Variants in CLHC1 observed in about 807,000 individuals in gnomAD.
The protein encoded by CLHC1 is clathrin heavy chain linker domain-containing protein 1.
A neutral mutation model predicts 69.5 loss-of-function variants in CLHC1; 72 were observed. The observed-to-expected ratio is 1.04, with a 90% CI of 0.86 to 1.26. The LOEUF (loss-of-function observed/expected upper bound fraction) is 1.26. Ranked by LOEUF, CLHC1 falls within the 50% of genes most tolerant of loss-of-function variation. The probability of loss-of-function intolerance (pLI) is 0.00; values close to 1 mark genes in which losing one functional copy is unlikely to be tolerated. For synonymous variants in CLHC1, 223 were observed against 224.3 expected (o/e 0.99, Z 0.05); for missense variants, 790 against 679.3 (o/e 1.16, Z -1.81).
chr2:55,227,697 AAG>A (rs1235210084), intron 2 of CLHC1, among the ~76,000 whole-genome samples: 1 of 151,770 alleles, frequency 6.6e-6, no homozygotes, highest in Admixed American at 6.6e-5. Context: ...AAAAAAGTAA[AAG>A]ATAAAAGTCA....
chr2:55,180,160 A>AAT (rs1553342145), intron 11 of CLHC1, among the ~76,000 whole-genome samples: 20 of 151,618 alleles, frequency 1.3e-4, no homozygotes, highest in East Asian at 7.8e-4. Flanking sequence ...CTCAAAAAAA[A>AAT]ATATATATAT....
chr2:55,210,197 T>C (rs1347148247), intron 5 of CLHC1, among the ~76,000 whole-genome samples: 1 of 151,452 alleles, frequency 6.6e-6, no homozygotes, highest in Non-Finnish European at 1.5e-5. Flanking sequence ...TTATTTTATT[T>C]TTATTTTTAT....
At position 55,222,389 on chromosome 2, in the gene CLHC1, T is replaced by C; in HGVS notation, c.23A>G (p.Lys8Arg). The C allele has an allele frequency of 6.2e-7, 1 of 1,613,704 alleles. No homozygotes were observed. The highest frequency in any genetic ancestry group is 8.5e-7 in the Non-Finnish European group (1 of 1,179,904). Residue 8 changes from lysine to arginine, a missense_variant, in exon 3 of 13, where the codon AAA becomes AGA. By Grantham distance (26) the Lys-to-Arg change is conservative. Transcript: ENST00000401408. MSVHQIR[K>R]HAVLPPIICR... is the part of the protein sequence containing the mutation. Reference sequence around the variant, plus strand: ...AATGATAGGTGGGAGAACTGCATGTTTTCTTATTTGATGAACTGACATATT... The same window carrying C: ...AATGATAGGTGGGAGAACTGCATGTCTTCTTATTTGATGAACTGACATATT...
chr2:55,194,179 G>C (rs1407668554), intron 9 of CLHC1, among the ~76,000 whole-genome samples: 1 of 152,100 alleles, frequency 6.6e-6, no homozygotes, highest in Non-Finnish European at 1.5e-5. Flanking sequence ...TGATGAAAAT[G>C]TTCTAAAATT....
chr2:55,209,636 T>C lies in CLHC1; in HGVS notation c.695A>G (p.Gln232Arg), dbSNP rs757984869. 5.0e-6 allele frequency: 8 copies of C among 1,613,756 alleles called. No homozygotes were observed. Among genetic ancestry groups the C allele is most frequent in the South Asian group, 1.1e-5 (1 of 91,026 alleles). ...ATATAATCAACTTCCATACCAAAACTGCAATTTTTTGTTCAGATTTTCAGC... is the reference window on the plus strand; with the variant it reads ...ATATAATCAACTTCCATACCAAAACCGCAATTTTTTGTTCAGATTTTCAGC... ...DVAENLNKKL[Q>R]FCHQRLQIIS... The change falls in exon 6 of 13, where the codon CAG (glutamine) becomes CGG (arginine). Residue 232 changes from glutamine to arginine, a missense_variant. Physicochemically the swap from Gln to Arg is conservative, Grantham distance 43. Coordinates refer to ENST00000401408, the MANE Select transcript of CLHC1 (RefSeq NM_152385.4).
intron 11 of CLHC1, 60 bp from the exon 12 acceptor site, chr2:55,177,841 C>T: frequency 8.1e-7 from 1 of 1,237,098 alleles, no homozygotes; most frequent in Non-Finnish European, 1.1e-6. Context: ...CAACTAGAAA[C>T]TAGGACTAGC....
chr2:55,226,887 C>A (rs1674760011), intron 2 of CLHC1, among the ~76,000 whole-genome samples: 1 of 152,212 alleles, frequency 6.6e-6, no homozygotes, highest in Non-Finnish European at 1.5e-5. Flanking sequence ...CCTGCTTTGG[C>A]CTCCCAAAGT....
At chr2:55,197,140 A>C (rs1255328273) in intron 9 of CLHC1, among the ~76,000 whole-genome samples, 1 of 152,158 alleles carries the variant, frequency 6.6e-6, no homozygotes, top group East Asian at 1.9e-4. Context: ...AAAAATAGGA[A>C]GGACTTTGTC....
intron 9 of CLHC1, among the ~76,000 whole-genome samples, chr2:55,203,780 A>C (rs1672184294): frequency 6.6e-6 from 1 of 152,188 alleles, no homozygotes; most frequent in Non-Finnish European, 1.5e-5. Context: ...CCCCATAAGC[A>C]CAGGCAATTG....
rs1673136675 is a variant in CLHC1 at position 55,212,772 on chromosome 2, G to C, written c.400C>G (p.Gln134Glu). ...TGCTTGATGTGATCTATTTGAGATT[G>C]AATCTTCGAGGAATTACTTTCGATA... ...RIIESNSSKI[Q>E]SQIDHIKQCR... Residue 134 changes from glutamine (Q) to glutamate (E), a missense_variant, in exon 5 of 13, where the codon CAA becomes GAA. Gln to Glu is a conservative substitution (Grantham distance 29). Transcript: ENST00000401408. 9 of 1,602,204 alleles carry C rather than the reference G, an allele frequency of 5.6e-6. No individual in the cohort carries two copies. The highest frequency in any genetic ancestry group is 7.7e-6 in the Non-Finnish European group (9 of 1,169,336).
intron 2 of CLHC1, among the ~76,000 whole-genome samples, chr2:55,226,752 C>T (rs968554396): frequency 1.3e-5 from 2 of 152,240 alleles, no homozygotes; most frequent in Non-Finnish European, 2.9e-5. Context: ...CTGCCTTAGC[C>T]TCCCGAGTAG....
Position 55,192,238 on chromosome 2 carries a change from G to A in CLHC1, c.1007-10494C>T, listed in dbSNP as rs371151620. On this transcript the variant is annotated intron_variant, in intron 9 of 12. Coordinates refer to ENST00000401408, the MANE Select transcript of CLHC1 (RefSeq NM_152385.4). ...GGGTTCAAGCGATTCTCCTGCTTCA[G>A]CCTCCCGAATACCTGGGATTACAGG... Among the ~76,000 whole-genome samples, 165 of 152,074 alleles carry A rather than the reference G, an allele frequency of 1.1e-3. 2 individuals carry two copies. The Middle Eastern group carries it at 0.017, about 16-fold the overall frequency.
At chr2:55,216,080 G>C (rs1673465259) in intron 4 of CLHC1, 1 of 141,366 alleles carries the variant, frequency 7.1e-6, no homozygotes, top group African/African-American at 2.7e-5. Context: ...TTCGAGACCA[G>C]CCTGGCCAAC....
rs1446606478 is a variant in CLHC1 at position 55,172,946 on chromosome 2, A to G, written c.*2844T>C. The stretch of plus-strand genomic sequence containing the variant: ...AAACCTTTCCAAATGAATGAATTTA[A>G]TAGAAATTCATTTTGATACATGCTT... On this transcript the variant is annotated 3_prime_UTR_variant, in exon 13 of 13. Transcript: ENST00000401408. Among the ~76,000 whole-genome samples, 2 of 152,206 alleles carry G rather than the reference A, an allele frequency of 1.3e-5. No homozygotes were observed. Among genetic ancestry groups the G allele is most frequent in the East Asian group, 3.8e-4 (2 of 5,208 alleles).
intron 9 of CLHC1, among the ~76,000 whole-genome samples, chr2:55,189,084 A>G (rs1670682642): frequency 6.6e-6 from 1 of 152,244 alleles, no homozygotes. Context: ...TTATATGTAG[A>G]GTAGTAAATT....
chr2:55,199,036 C>A (rs1406683619), intron 9 of CLHC1, among the ~76,000 whole-genome samples: 1 of 151,954 alleles, frequency 6.6e-6, no homozygotes, highest in Non-Finnish European at 1.5e-5. Context: ...GTGGCTCATG[C>A]CTATAATCCC....
chr2:55,209,463 T>A lies in CLHC1; in HGVS notation c.755A>T (p.Asp252Val). The A allele has an allele frequency of 2.5e-6, 4 of 1,612,760 alleles. No individual in the cohort carries two copies. The South Asian group carries it at 3.3e-5, about 13-fold the overall frequency. ...AAAGTCTTGAAATGGGCTGCTCATA[T>A]CAGATTTTACCCATGAACTAAGTGC... Reference protein sequence around the residue: ...SQALSSWVKSDMSSPFQDFVE... With the variant: ...SQALSSWVKSVMSSPFQDFVE... The change falls in exon 7 of 13, where the codon GAT becomes GTT. Residue 252 changes from aspartate (D) to valine (V), a missense_variant. Asp to Val is a radical substitution (Grantham distance 152). Coordinates refer to ENST00000401408, the MANE Select transcript of CLHC1 (RefSeq NM_152385.4).
intron 9 of CLHC1, among the ~76,000 whole-genome samples, chr2:55,183,503 G>C (rs1670116213): frequency 6.6e-6 from 1 of 152,116 alleles, no homozygotes; most frequent in South Asian, 2.1e-4. Flanking sequence ...GGTAAAACCA[G>C]GTATGAAATA....
At chr2:55,214,920 T>C (rs1272709419) in intron 4 of CLHC1, 1 of 152,254 alleles carries the variant, frequency 6.6e-6, no homozygotes, top group African/African-American at 2.4e-5. Flanking sequence ...AGAAAGTATC[T>C]AATTTTTGCT....
Sources: allele counts gnomAD v4.1 joint callset (sites outside exome capture counted in the v4.1 genomes callset), GRCh38; gene constraint gnomAD v4.1.1; transcripts MANE v1.5; gene names NCBI Gene and HGNC (gene_info 2026-07-23, HGNC 2026-07-21).